Variants in GALNT13 observed in about 807,000 individuals in gnomAD.
GALNT13 encodes polypeptide N-acetylgalactosaminyltransferase 13.
In GALNT13, 28 loss-of-function variants were observed where a neutral mutation model predicts 64.2. The ratio of observed to expected loss-of-function variants is 0.44; its 90% confidence interval spans 0.32 to 0.60. GALNT13 has a LOEUF of 0.60. Among genes scored for constraint, GALNT13 ranks in the 20% least tolerant of loss-of-function variants. GALNT13 has a pLI of 0.05. For missense variants in GALNT13, 577 were observed against 669.8 expected (o/e 0.86, Z 1.53); for synonymous variants, 214 against 224.6 (o/e 0.95, Z 0.42).
intron 9 of GALNT13, among the ~76,000 whole-genome samples, chr2:154,353,644 A>G (rs770304860): frequency 6.6e-6 from 1 of 152,118 alleles, no homozygotes; most frequent in Non-Finnish European, 1.5e-5. Flanking sequence ...TTAATTTCAC[A>G]TGTAATTGAG....
At chr2:153,311,664 C>T in the GALNT13 span, among the ~76,000 whole-genome samples, 1 of 152,196 alleles carries the variant, frequency 6.6e-6, no homozygotes, top group Non-Finnish European at 1.5e-5. Context: ...TCATAGCCGC[C>T]TCCACAGGGC....
chr2:154,384,209 G>C (rs1489041668), intron 9 of GALNT13, among the ~76,000 whole-genome samples: 3 of 151,764 alleles, frequency 2.0e-5, no homozygotes, highest in Non-Finnish European at 3.0e-5. Flanking sequence ...TAATATTTTT[G>C]GTTAAATATA....
chr2:153,168,682 TTCATC>T, the GALNT13 span, among the ~76,000 whole-genome samples: 3 of 152,238 alleles, frequency 2.0e-5, no homozygotes, highest in Non-Finnish European at 4.4e-5. Context: ...ATTCAGTTTC[TTCATC>T]TATAAAATAT....
At chr2:153,306,880 G>A in the GALNT13 span, among the ~76,000 whole-genome samples, 1 of 152,052 alleles carries the variant, frequency 6.6e-6, no homozygotes, top group African/African-American at 2.4e-5. Context: ...GGGATTACAG[G>A]CACACACCAC....
chr2:153,630,739 C>A, the GALNT13 span, among the ~76,000 whole-genome samples: 2 of 93,402 alleles, frequency 2.1e-5, no homozygotes, highest in African/African-American at 4.2e-5. Context: ...AGACCTGAAA[C>A]CATAAAAAAA....
At chr2:153,935,830 C>A (rs1015658689) in intron 2 of GALNT13, among the ~76,000 whole-genome samples, 1 of 152,198 alleles carries the variant, frequency 6.6e-6, no homozygotes, top group African/African-American at 2.4e-5. Flanking sequence ...CTCTTCCCCA[C>A]AACTCTTGGT....
At chr2:154,222,657 A>G (rs1020228563) in intron 4 of GALNT13, among the ~76,000 whole-genome samples, 1 of 152,126 alleles carries the variant, frequency 6.6e-6, no homozygotes, top group East Asian at 1.9e-4. Context: ...TGGAGAATTC[A>G]GAGACTTGAA....
the GALNT13 span, among the ~76,000 whole-genome samples, chr2:153,641,231 G>A: frequency 2.4e-4 from 36 of 152,222 alleles, no homozygotes; most frequent in African/African-American, 6.0e-4. Flanking sequence ...TAATGTAAGC[G>A]TAAGAGCCAC....
rs184324322 is a variant in GALNT13 at position 154,120,234 on chromosome 2, G to A, written c.143-20103G>A. Among the ~76,000 whole-genome samples, 49 of 152,256 alleles carry A rather than the reference G, an allele frequency of 3.2e-4. 1 individual carries two copies. The East Asian group carries it at 8.3e-3, about 26-fold the overall frequency. On this transcript the variant is annotated intron_variant, in intron 3 of 12. Coordinates refer to ENST00000392825, the MANE Select transcript of GALNT13 (RefSeq NM_052917.4). Reference sequence around the variant, plus strand: ...GCTGTGATGTCAGGTGGAGCTTCTGGTTGGGCTCTACTATCAGGCATAGCT... The same window carrying A: ...GCTGTGATGTCAGGTGGAGCTTCTGATTGGGCTCTACTATCAGGCATAGCT...
intron 4 of GALNT13, among the ~76,000 whole-genome samples, chr2:154,223,430 ATTTTCTTTTTTCT>A (rs1688418664): frequency 7.7e-6 from 1 of 130,316 alleles, no homozygotes; most frequent in African/African-American, 2.8e-5. Context: ...TTTATTATTT[ATTTTCTTTTTTCT>A]TTTTCTTTTT....
At chr2:154,004,230 G>A (rs1236233) in intron 3 of GALNT13, among the ~76,000 whole-genome samples, 67 of 150,542 alleles carry the variant, frequency 4.5e-4, no homozygotes, top group Admixed American at 9.2e-4. Flanking sequence ...TTTTTGAGAC[G>A]GAGTCTTGCT....
chr2:153,968,895 T>C (rs1296867868), intron 3 of GALNT13, among the ~76,000 whole-genome samples: 2 of 152,192 alleles, frequency 1.3e-5, no homozygotes, highest in Non-Finnish European at 2.9e-5. Context: ...ACAGTATTTA[T>C]CATTTCATTT....
At chr2:153,257,789 G>C in the GALNT13 span, among the ~76,000 whole-genome samples, 12 of 152,286 alleles carry the variant, frequency 7.9e-5, no homozygotes, top group African/African-American at 2.9e-4. Context: ...ATTTGTACAA[G>C]TGCTATAAAA....
At chr2:153,507,534 C>T in the GALNT13 span, among the ~76,000 whole-genome samples, 1 of 152,154 alleles carries the variant, frequency 6.6e-6, no homozygotes, top group Non-Finnish European at 1.5e-5. Flanking sequence ...TAGCCTCGGC[C>T]TCCCAAAGTG....
chr2:153,361,984 AC>A, the GALNT13 span, among the ~76,000 whole-genome samples: 1 of 152,204 alleles, frequency 6.6e-6, no homozygotes, highest in Non-Finnish European at 1.5e-5. Context: ...AGGCCAGGTA[AC>A]CTAGAAAGGG....
At chr2:153,448,298 G>A in the GALNT13 span, among the ~76,000 whole-genome samples, 1 of 152,094 alleles carries the variant, frequency 6.6e-6, no homozygotes, top group African/African-American at 2.4e-5. Context: ...GGATTAATAA[G>A]GAAACCTTGA....
chr2:153,231,662 A>G, the GALNT13 span, among the ~76,000 whole-genome samples: 5 of 151,910 alleles, frequency 3.3e-5, no homozygotes, highest in Admixed American at 6.6e-5. Context: ...TGTTACGTTT[A>G]TTTTTTTCTT....
chr2:153,313,951 A>G, the GALNT13 span, among the ~76,000 whole-genome samples: 1 of 151,862 alleles, frequency 6.6e-6, no homozygotes, highest in Admixed American at 6.6e-5. Flanking sequence ...CAGTTTTTCC[A>G]GTTATACCCT....
At chr2:153,603,046 G>A in the GALNT13 span, among the ~76,000 whole-genome samples, 1 of 151,908 alleles carries the variant, frequency 6.6e-6, no homozygotes, top group African/African-American at 2.4e-5. Context: ...TTGTGTTGTA[G>A]TCCTCTACTA....
Sources: allele counts gnomAD v4.1 joint callset (sites outside exome capture counted in the v4.1 genomes callset), GRCh38; gene constraint gnomAD v4.1.1; transcripts MANE v1.5; gene names NCBI Gene and HGNC (gene_info 2026-07-23, HGNC 2026-07-21).